The following HDX variants were observed in gnomAD, a reference collection of about 807,000 sequenced individuals.
HDX encodes chromosome X open reading frame 43.
A neutral mutation model predicts 45.2 loss-of-function variants in HDX; 19 were observed. That is an observed-to-expected ratio of 0.42 (90% CI 0.29 to 0.62). The LOEUF is 0.62. Among genes scored for constraint, HDX ranks in the 20% least tolerant of loss-of-function variants. The probability of loss-of-function intolerance (pLI) is 0.20; values close to 1 mark genes in which losing one functional copy is unlikely to be tolerated. For missense variants in HDX, 532 were observed against 493.9 expected (o/e 1.08, Z -0.73); for synonymous variants, 188 against 172.8 (o/e 1.09, Z -0.69).
chrX:84,323,853 C>A (rs1255291493), intron 10 of HDX, among the ~76,000 whole-genome samples: 1 of 112,505 alleles, frequency 8.9e-6, no homozygotes. Context: ...GTCTGACCTA[C>A]GGTCATTTTT....
intron 1 of HDX, among the ~76,000 whole-genome samples, chrX:84,490,347 T>G (rs1384317705): frequency 8.9e-6 from 1 of 112,025 alleles, no homozygotes; most frequent in African/African-American, 3.2e-5. Context: ...GTAATAGATT[T>G]CAAGTTTTCT....
At chrX:84,459,334 C>T (rs1168960018) in intron 4 of HDX, among the ~76,000 whole-genome samples, 3 of 109,066 alleles carry the variant, frequency 2.8e-5, no homozygotes, top group Admixed American at 9.8e-5. Flanking sequence ...CCCAGCTGCT[C>T]GGGAGGCTGA....
chrX:84,349,275 C>T, intron 6 of HDX, among the ~76,000 whole-genome samples: 1 of 110,463 alleles, frequency 9.1e-6, no homozygotes, highest in East Asian at 2.8e-4. Context: ...TGTTGATTTT[C>T]AGTTTGTTCA....
At chrX:84,345,150 G>A (rs900070092) in intron 6 of HDX, among the ~76,000 whole-genome samples, 2 of 111,286 alleles carry the variant, frequency 1.8e-5, no homozygotes, top group Admixed American at 9.6e-5. Context: ...TCATTTTAGA[G>A]TAATGGGAAG....
intron 4 of HDX, among the ~76,000 whole-genome samples, chrX:84,457,916 T>G (rs1464236436): frequency 8.9e-6 from 1 of 111,887 alleles, no homozygotes; most frequent in Non-Finnish European, 1.9e-5. Context: ...TTCTATCCAG[T>G]GTGGGGGAGG....
At position 84,469,261 on chromosome X, in the gene HDX, A is replaced by C; in HGVS notation, c.462T>G (p.Pro154=). The change falls in exon 4 of 11, where the codon CCT becomes CCG. Residue 154 remains proline, a synonymous_variant. Transcript: ENST00000373177. ...TACAGTGTGCTACTTGTCTTTGGACAGGAATGTGTAACTGAAACTCAGTAT... is the reference window on the plus strand; with the variant it reads ...TACAGTGTGCTACTTGTCTTTGGACCGGAATGTGTAACTGAAACTCAGTAT... ...KNDTEFQLHI[P]VQRQVAHCKN... is the part of the protein sequence containing the mutation. The C allele has an allele frequency of 8.3e-7, 1 of 1,209,256 alleles. No individual in the cohort carries two copies. Among genetic ancestry groups the C allele is most frequent in the Non-Finnish European group, 1.1e-6 (1 of 893,018 alleles).
chrX:84,393,137 A>G (rs917790489), intron 5 of HDX, among the ~76,000 whole-genome samples: 1 of 111,729 alleles, frequency 9.0e-6, no homozygotes, highest in Non-Finnish European at 1.9e-5. Context: ...CCCATTCAGT[A>G]TGATGTTACC....
chrX:84,361,218 A>C (rs1602311144), intron 6 of HDX, among the ~76,000 whole-genome samples: 1 of 111,786 alleles, frequency 8.9e-6, no homozygotes, highest in East Asian at 2.8e-4. Flanking sequence ...TAAAACAAAT[A>C]TCTATTCATT....
intron 5 of HDX, among the ~76,000 whole-genome samples, chrX:84,394,959 T>C (rs1011923902): frequency 9.0e-6 from 1 of 111,432 alleles, no homozygotes; most frequent in African/African-American, 3.3e-5. Context: ...CATGTCTACA[T>C]CTTTTAAGTG....
intron 5 of HDX, among the ~76,000 whole-genome samples, chrX:84,398,394 A>G (rs1258719909): frequency 9.0e-6 from 1 of 111,576 alleles, no homozygotes; most frequent in Non-Finnish European, 1.9e-5. Flanking sequence ...TACCAAGCAA[A>G]TGGAAAACAA....
intron 5 of HDX, among the ~76,000 whole-genome samples, chrX:84,368,632 T>G (rs905051422): frequency 1.8e-5 from 2 of 111,796 alleles, no homozygotes; most frequent in Admixed American, 1.9e-4. Context: ...CAACGTAACA[T>G]TTGCCATTAT....
At chrX:84,417,591 C>A (rs2039145314) in intron 5 of HDX, among the ~76,000 whole-genome samples, 1 of 112,247 alleles carries the variant, frequency 8.9e-6, no homozygotes, top group Admixed American at 9.4e-5. Context: ...GCTGGAAAAT[C>A]TAGTAAAGTC....
intron 6 of HDX, among the ~76,000 whole-genome samples, chrX:84,349,714 C>T: frequency 9.9e-6 from 1 of 101,477 alleles, no homozygotes; most frequent in African/African-American, 3.6e-5. Context: ...GCACACACAC[C>T]ATAGAATACT....
chrX:84,375,732 T>C (rs1397841125), intron 5 of HDX, among the ~76,000 whole-genome samples: 1 of 86,767 alleles, frequency 1.2e-5, no homozygotes, highest in Admixed American at 1.4e-4. Context: ...CATCAAACTC[T>C]GGGGACTGTT....
chrX:84,340,494 A>T (rs192409886), intron 7 of HDX, among the ~76,000 whole-genome samples: 1 of 110,822 alleles, frequency 9.0e-6, no homozygotes, highest in Admixed American at 9.6e-5. Context: ...TTTTTTCTTT[A>T]TATTTCTTAG....
chrX:84,375,600 T>A (rs978017876), intron 5 of HDX, among the ~76,000 whole-genome samples: 2 of 111,386 alleles, frequency 1.8e-5, no homozygotes, highest in Non-Finnish European at 3.8e-5. Flanking sequence ...TGTAGGGACG[T>A]GGATGAAATT....
chrX:84,427,575 G>T (rs1358133696), intron 5 of HDX, among the ~76,000 whole-genome samples: 1 of 110,552 alleles, frequency 9.0e-6, no homozygotes. Flanking sequence ...TTTTTAATCT[G>T]GTTTCCTTCA....
At chrX:84,498,129 C>G (rs5967488) in intron 1 of HDX, among the ~76,000 whole-genome samples, 44,278 of 110,220 alleles carry the variant, frequency 0.4, 7,842 homozygotes, top group African/African-American at 0.69. Context: ...AATAATAGGA[C>G]ACCTTTTGTG....
chrX:84,356,992 T>TGCAGTATGGCTGTCTCAAGGAG (rs2037503605), intron 6 of HDX, among the ~76,000 whole-genome samples: 1 of 111,345 alleles, frequency 9.0e-6, no homozygotes, highest in African/African-American at 3.3e-5. Flanking sequence ...TCTCCTCTCT[T>TGCAGTATGGCTGTCTCAAGGAG]GCAGTATGGC....
Sources: gnomAD v4.1 joint callset for allele counts (sites outside exome capture counted in the v4.1 genomes callset) on GRCh38, gnomAD v4.1.1 for gene constraint, MANE v1.5 for transcripts, NCBI Gene and HGNC (gene_info 2026-07-23, HGNC 2026-07-21) for gene names.